Variants in C10orf67 observed in about 807,000 individuals in gnomAD.
C10orf67 encodes the protein chromosome 10 open reading frame 67.
C10orf67 carries 60 observed loss-of-function variants against 35.6 expected under a neutral mutation model. The observed-to-expected ratio is 1.68, with a 90% confidence interval of 1.37 to 2.09. The LOEUF is 2.09. Among genes scored for constraint, C10orf67 ranks in the 30% most tolerant of loss-of-function variants. The pLI, the probability that C10orf67 is intolerant of heterozygous loss-of-function variation, is 0.00. For synonymous variants in C10orf67, 167 were observed against 115.8 expected (o/e 1.44, Z -2.84); for missense variants, 474 against 330.2 (o/e 1.44, Z -3.38).
At chr10:23,263,063 T>C (rs565601950) in intron 10 of C10orf67, among the ~76,000 whole-genome samples, 75 of 152,298 alleles carry the variant, frequency 4.9e-4, no homozygotes, top group African/African-American at 1.8e-3. Flanking sequence ...CATGCACATG[T>C]AAAGGATTGT....
chr10:23,340,860 T>C (rs573604204), intron 1 of C10orf67, among the ~76,000 whole-genome samples: 2 of 152,328 alleles, frequency 1.3e-5, no homozygotes, highest in African/African-American at 4.8e-5. Context: ...TAAAATAAAT[T>C]ACATACAAAA....
intron 12 of C10orf67, among the ~76,000 whole-genome samples, chr10:23,241,782 C>A (rs903064912): frequency 5.3e-5 from 8 of 151,834 alleles, no homozygotes; most frequent in African/African-American, 1.9e-4. Context: ...ATGACATTGA[C>A]CCATAGATTC....
chr10:23,298,876 C>T (rs1474239947), intron 5 of C10orf67, among the ~76,000 whole-genome samples: 6 of 152,110 alleles, frequency 3.9e-5, no homozygotes, highest in African/African-American at 1.4e-4. Context: ...CAACAGTGTC[C>T]AGGTATGAGA....
chr10:23,307,119 T>C (rs1030547976), intron 4 of C10orf67, among the ~76,000 whole-genome samples: 2 of 152,220 alleles, frequency 1.3e-5, no homozygotes, highest in Non-Finnish European at 2.9e-5. Flanking sequence ...CTGCATTCAT[T>C]ACTCTGAAGA....
chr10:23,333,509 T>C (rs1845558498), intron 1 of C10orf67, among the ~76,000 whole-genome samples: 1 of 152,228 alleles, frequency 6.6e-6, no homozygotes. Flanking sequence ...AGATTATGCA[T>C]AGGCCTATTC....
chr10:23,305,967 G>GCA (rs149195889), intron 4 of C10orf67, among the ~76,000 whole-genome samples: 34,281 of 149,388 alleles, frequency 0.23, 4,851 homozygotes, highest in African/African-American at 0.4. Flanking sequence ...TTACATACGC[G>GCA]CACACACACA....
intron 5 of C10orf67, among the ~76,000 whole-genome samples, chr10:23,300,394 G>T (rs1049302875): frequency 6.6e-6 from 1 of 152,104 alleles, no homozygotes; most frequent in African/African-American, 2.4e-5. Context: ...TATCCCGTTT[G>T]TCCCATTCCG....
intron 4 of C10orf67, among the ~76,000 whole-genome samples, chr10:23,315,959 C>T (rs974461460): frequency 6.6e-6 from 1 of 152,178 alleles, no homozygotes; most frequent in African/African-American, 2.4e-5. Flanking sequence ...GGTAGGACTA[C>T]AAGCATGTGC....
chr10:23,276,304 G>A (rs1843184560), intron 8 of C10orf67, among the ~76,000 whole-genome samples: 1 of 152,160 alleles, frequency 6.6e-6, no homozygotes, highest in South Asian at 2.1e-4. Context: ...CTTGGTCAGT[G>A]AAATGGCTCA....
At chr10:23,293,858 G>T (rs1843796607) in intron 5 of C10orf67, among the ~76,000 whole-genome samples, 1 of 152,182 alleles carries the variant, frequency 6.6e-6, no homozygotes, top group Admixed American at 6.5e-5. Context: ...CTCAAATGCG[G>T]TCCATGGACC....
At chr10:23,246,259 T>C (rs566361522) in intron 12 of C10orf67, among the ~76,000 whole-genome samples, 2 of 152,184 alleles carry the variant, frequency 1.3e-5, no homozygotes, top group Non-Finnish European at 2.9e-5. Context: ...ACTAGGCTGA[T>C]TACCTGGGTG....
chr10:23,330,826 G>A (rs1052119008), intron 2 of C10orf67, among the ~76,000 whole-genome samples: 1 of 152,092 alleles, frequency 6.6e-6, no homozygotes, highest in Non-Finnish European at 1.5e-5. Flanking sequence ...CAATCAATGG[G>A]TGAAATGATC....
At chr10:23,245,030 T>C (rs1397176361) in intron 12 of C10orf67, among the ~76,000 whole-genome samples, 2 of 152,118 alleles carry the variant, frequency 1.3e-5, no homozygotes, top group Non-Finnish European at 1.5e-5. Context: ...ATGGAACAGA[T>C]TAGAGAGCTC....
chr10:23,303,790 A>G (rs1019626806), intron 4 of C10orf67, among the ~76,000 whole-genome samples: 1 of 152,208 alleles, frequency 6.6e-6, no homozygotes, highest in Non-Finnish European at 1.5e-5. Context: ...GAGAACGTCT[A>G]CTCAACAAGA....
chr10:23,222,452 A>G (rs948727945), intron 15 of C10orf67, among the ~76,000 whole-genome samples: 1 of 152,160 alleles, frequency 6.6e-6, no homozygotes, highest in Non-Finnish European at 1.5e-5. Context: ...AGAGCTAAAC[A>G]TTGGGTACAC....
At chr10:23,292,950 T>C (rs938316675) in intron 5 of C10orf67, among the ~76,000 whole-genome samples, 2 of 151,958 alleles carry the variant, frequency 1.3e-5, no homozygotes, top group African/African-American at 4.8e-5. Context: ...TTGTCCCACA[T>C]TGTTCAATTT....
At chr10:23,257,768 A>T (rs1029530942) in intron 10 of C10orf67, among the ~76,000 whole-genome samples, 7 of 151,350 alleles carry the variant, frequency 4.6e-5, no homozygotes. Context: ...ACAGCACTGC[A>T]CTCCAACCTG....
At chr10:23,298,833 C>T (rs996988140) in intron 5 of C10orf67, among the ~76,000 whole-genome samples, 3 of 152,124 alleles carry the variant, frequency 2.0e-5, no homozygotes, top group Admixed American at 6.5e-5. Context: ...TCTGAATGGG[C>T]GGCTAAAAGT....
chr10:23,234,952 C>G (rs184083001), intron 13 of C10orf67, among the ~76,000 whole-genome samples: 1 of 128,530 alleles, frequency 7.8e-6, no homozygotes, highest in African/African-American at 2.9e-5. Context: ...GCGGAGGTTG[C>G]GGTGAGCCGA....
Sources: gnomAD v4.1 joint callset for allele counts (sites outside exome capture counted in the v4.1 genomes callset) on GRCh38, gnomAD v4.1.1 for gene constraint, MANE v1.5 for transcripts, NCBI Gene and HGNC (gene_info 2026-07-23, HGNC 2026-07-21) for gene names.